The following HSP90AA1 variants were observed in gnomAD, a reference collection of about 807,000 sequenced individuals.
HSP90AA1 encodes the protein heat shock protein 90 alpha family class A member 1.
Under a neutral mutation model 73.3 loss-of-function variants are expected in HSP90AA1, and 18 were observed. The observed-to-expected ratio is 0.25, with a 90% CI of 0.17 to 0.36. HSP90AA1 has a LOEUF of 0.36. Among genes scored for constraint, HSP90AA1 ranks in the 10% least tolerant of loss-of-function variants. HSP90AA1 has a pLI of 1.00. For missense variants in HSP90AA1, 704 were observed against 874.2 expected, an observed-to-expected ratio of 0.81 and a Z score of 2.45; for synonymous variants, 477 against 296.9, an observed-to-expected ratio of 1.61 and a Z score of -6.24.
At position 102,080,742 on chromosome 14, in the gene HSP90AA1, G is replaced by A. The variant is rs1156708658; in HGVS notation, c.*970C>T. 3 of 207,214 alleles carry A rather than the reference G, an allele frequency of 1.4e-5. No homozygotes were observed. Among genetic ancestry groups the A allele is most frequent in the Non-Finnish European group, 2.0e-5 (2 of 101,520 alleles). 12.8% of individuals were successfully genotyped at this position (207,214 alleles called of 1,614,324 possible). ...GTAAAGAACTTTGAGACACTGTAAG[G>A]CCAAGGAATTAAGTGACTGTATTTA... On this transcript the variant is annotated 3_prime_UTR_variant, in exon 11 of 11. Transcript: ENST00000216281.
chr14:102,087,226 C>A (rs546074436), upstream of HSP90AA1: 5 of 922,886 alleles, frequency 5.4e-6, no homozygotes, highest in Non-Finnish European at 6.5e-6. Flanking sequence ...CGCGCGCAGG[C>A]CCTGCTCGTG....
chr14:102,136,748 G>A (rs1391019301), intron 1 of HSP90AA1, among the ~76,000 whole-genome samples: 1 of 150,970 alleles, frequency 6.6e-6, no homozygotes, highest in African/African-American at 2.4e-5. Flanking sequence ...AATTAGCCAG[G>A]TGTGGTGGCA....
chr14:102,084,344 C>T, intron 6 of HSP90AA1, 55 bp downstream of exon 6: 1 of 1,545,178 alleles, frequency 6.5e-7, no homozygotes, highest in South Asian at 1.1e-5. Flanking sequence ...CCATGCCCAC[C>T]CAGAAAGTAC....
intron 2 of HSP90AA1, among the ~76,000 whole-genome samples, chr14:102,093,201 T>A (rs11621083): frequency 0.69 from 102,689 of 148,384 alleles, 38,907 homozygotes; most frequent in Non-Finnish European, 0.84. Flanking sequence ...AATTAAAAAA[T>A]ATATATATAT....
At chr14:102,104,435 A>T (rs2049535999) in intron 1 of HSP90AA1, among the ~76,000 whole-genome samples, 1 of 151,708 alleles carries the variant, frequency 6.6e-6, no homozygotes, top group Non-Finnish European at 1.5e-5. Context: ...CTGGTCTCAA[A>T]CTCCTGACCT....
upstream of HSP90AA1, chr14:102,087,255 T>G: frequency 1.5e-6 from 1 of 674,218 alleles, no homozygotes; most frequent in Non-Finnish European, 1.8e-6. Context: ...CGGGCAACCT[T>G]CCCTCAATCG....
At position 102,086,330 on chromosome 14, in the gene HSP90AA1, C is replaced by T. The variant is rs895006179; in HGVS notation, c.49G>A (p.Val17Ile). 3 of 1,613,246 alleles carry T rather than the reference C, an allele frequency of 1.9e-6. No homozygotes were observed. The highest frequency in any genetic ancestry group is 4.5e-5 in the East Asian group (2 of 44,868). The change falls in exon 2 of 11, where the codon GTT becomes ATT. Residue 17 changes from valine (V) to isoleucine (I), a missense_variant. Val to Ile is a conservative substitution (Grantham distance 29, BLOSUM62 3). Transcript: ENST00000216281. ...TCTGCCTGAAAGGCGAACGTCTCAA[C>T]CTCCTCCTCCTCCATCGGTTGGTCT... ...TQDQPMEEEE[V>I]ETFAFQAEIA...
At chr14:102,135,629 G>C (rs2049981647) in intron 1 of HSP90AA1, among the ~76,000 whole-genome samples, 1 of 152,268 alleles carries the variant, frequency 6.6e-6, no homozygotes, top group Non-Finnish European at 1.5e-5. Flanking sequence ...CTCAGGCATG[G>C]GGGCTGCAGG....
At chr14:102,082,916 G>A (rs1474745188) in intron 9 of HSP90AA1, 118 bp downstream of exon 9, 2 of 1,094,816 alleles carry the variant, frequency 1.8e-6, no homozygotes, top group Non-Finnish European at 2.8e-6. Context: ...ACCGCGCCCA[G>A]CCACACACAA....
chr14:102,122,053 G>A (rs768590856), intron 1 of HSP90AA1, among the ~76,000 whole-genome samples: 8 of 151,852 alleles, frequency 5.3e-5, no homozygotes, highest in Non-Finnish European at 1.2e-4. Context: ...ATTTATTCAA[G>A]TCATTTCTTT....
chr14:102,122,888 G>A (rs975816632), intron 1 of HSP90AA1, among the ~76,000 whole-genome samples: 1 of 148,142 alleles, frequency 6.8e-6, no homozygotes, highest in African/African-American at 2.5e-5. Flanking sequence ...GGCTGGTCTC[G>A]AACTCCTGAC....
At chr14:102,095,724 G>GC (rs1203203750) in intron 2 of HSP90AA1, among the ~76,000 whole-genome samples, 6 of 152,114 alleles carry the variant, frequency 3.9e-5, no homozygotes, top group Admixed American at 6.5e-5. Context: ...CTTGCCTTCA[G>GC]CCCCCACATT....
At position 102,083,648 on chromosome 14, in the gene HSP90AA1, G is replaced by A. The variant is rs767793138; in HGVS notation, c.1384C>T (p.Leu462=). The A allele has an allele frequency of 2.5e-6, 4 of 1,612,492 alleles. No individual in the cohort carries two copies. Among genetic ancestry groups the A allele is most frequent in the Admixed American group, 1.7e-5 (1 of 59,900 alleles). ...GAGGCAGATGTGTAGTACCTTAACAGCTCTGAAAGCTTCTTCCGATTTTGA... is the reference window on the plus strand; with the variant it reads ...GAGGCAGATGTGTAGTACCTTAACAACTCTGAAAGCTTCTTCCGATTTTGA... ...DSQNRKKLSE[L]LRYYTSASGD... The change falls in exon 8 of 11, where the codon CTG becomes TTG. Residue 462 remains leucine (L), a synonymous_variant. Transcript: ENST00000216281.
chr14:102,084,265 T>TG, intron 6 of HSP90AA1, 134 bp downstream of exon 6: 1 of 827,308 alleles, frequency 1.2e-6, no homozygotes, highest in Non-Finnish European at 2.0e-6. Flanking sequence ...AGGCTGGTCT[T>TG]GAACTCCTGA....
At chr14:102,131,765 ACTT>A (rs1198147830) in intron 1 of HSP90AA1, among the ~76,000 whole-genome samples, 14 of 151,940 alleles carry the variant, frequency 9.2e-5, no homozygotes, top group Admixed American at 2.6e-4. Flanking sequence ...ACCCTGACCT[ACTT>A]CTTCTTCCTA....
chr14:102,124,232 C>T (rs2049814411), intron 1 of HSP90AA1, among the ~76,000 whole-genome samples: 1 of 133,198 alleles, frequency 7.5e-6, no homozygotes, highest in Admixed American at 8.5e-5. Context: ...CACTTTGTCT[C>T]CCAGGCTGGA....
At chr14:102,105,988 A>G (rs1020448500) in intron 1 of HSP90AA1, among the ~76,000 whole-genome samples, 25 of 152,160 alleles carry the variant, frequency 1.6e-4, no homozygotes, top group African/African-American at 6.0e-4. Context: ...AGGCAGGAGA[A>G]TTGCTTGAAC....
At chr14:102,137,679 G>A (rs946632738) in intron 1 of HSP90AA1, among the ~76,000 whole-genome samples, 10 of 151,922 alleles carry the variant, frequency 6.6e-5, no homozygotes, top group African/African-American at 2.2e-4. Context: ...GAATATGGAG[G>A]AAAAGTTATG....
intron 1 of HSP90AA1, among the ~76,000 whole-genome samples, chr14:102,105,604 G>T (rs1367304967): frequency 1.3e-5 from 2 of 152,222 alleles, no homozygotes; most frequent in African/African-American, 2.4e-5. Flanking sequence ...CAGGAAGAGG[G>T]CTTGCAAGGG....
Sources: gnomAD v4.1 joint callset for allele counts (sites outside exome capture counted in the v4.1 genomes callset) on GRCh38, gnomAD v4.1.1 for gene constraint, MANE v1.5 for transcripts, NCBI Gene and HGNC (gene_info 2026-07-23, HGNC 2026-07-21) for gene names.